The following LRP1B variants were observed in gnomAD, a reference collection of about 807,000 sequenced individuals.
LRP1B encodes LDL receptor related protein 1B.
LRP1B carries 217 observed loss-of-function variants against 556.6 expected under a neutral mutation model. The observed-to-expected ratio is 0.39, with a 90% CI of 0.35 to 0.44. The LOEUF is 0.44. LRP1B is among the 20% of genes least tolerant of loss of function. The pLI is 1.00. For missense variants in LRP1B, 5,053 were observed against 5,620.8 expected, an observed-to-expected ratio of 0.90 and a Z score of 3.23; for synonymous variants, 2,047 against 1,865.8, an observed-to-expected ratio of 1.10 and a Z score of -2.50.
At chr2:141,108,341 T>C (rs768706600) in intron 7 of LRP1B, among the ~76,000 whole-genome samples, 4 of 112,868 alleles carry the variant, frequency 3.5e-5, no homozygotes, top group South Asian at 2.7e-4. Flanking sequence ...TTTCTTTTTT[T>C]TTTTTTTTTT....
chr2:140,875,607 G>A (rs905666927), intron 25 of LRP1B, among the ~76,000 whole-genome samples: 2 of 152,090 alleles, frequency 1.3e-5, no homozygotes. Flanking sequence ...GTTTTAATAT[G>A]TGTTTTGGTA....
chr2:141,168,793 T>C (rs1162301141), intron 7 of LRP1B, among the ~76,000 whole-genome samples: 3 of 152,042 alleles, frequency 2.0e-5, no homozygotes, highest in Non-Finnish European at 4.4e-5. Context: ...TCTTCCCCAC[T>C]TCAGTCTCCT....
At chr2:140,574,889 A>G (rs1385481976) in intron 43 of LRP1B, among the ~76,000 whole-genome samples, 1 of 152,230 alleles carries the variant, frequency 6.6e-6, no homozygotes, top group Non-Finnish European at 1.5e-5. Flanking sequence ...TAAGTGTAAT[A>G]TGTGATAAAA....
intron 87 of LRP1B, among the ~76,000 whole-genome samples, chr2:140,243,645 C>A (rs1321448566): frequency 6.6e-6 from 1 of 151,126 alleles, no homozygotes; most frequent in African/African-American, 2.4e-5. Context: ...ATGTTCCCAA[C>A]TTAGTAAAGG....
rs1443597814 is a variant in LRP1B at position 140,404,164 on chromosome 2, ACTT to A, written c.10415-18158_10415-18156del. On this transcript the variant is annotated intron_variant, in intron 66 of 90. Coordinates refer to ENST00000389484, the MANE Select transcript of LRP1B (RefSeq NM_018557.3). ...AAAGCTGGATCTGTACCAAAATAGA[ACTT>A]CTTTTTTTTTTTTTTTTTTTTTTTT... Among the ~76,000 whole-genome samples the A allele has an allele frequency of 1.1e-4, 17 of 147,986 alleles. No individual in the cohort carries two copies. In the East Asian group the frequency reaches 2.2e-3, roughly 19 times the overall value.
chr2:141,724,472 C>T (rs191933218), intron 2 of LRP1B, among the ~76,000 whole-genome samples: 210 of 151,822 alleles, frequency 1.4e-3, no homozygotes, highest in African/African-American at 4.8e-3. Flanking sequence ...CTTCGTAATG[C>T]TATATTTCTT....
intron 5 of LRP1B, among the ~76,000 whole-genome samples, chr2:141,241,162 T>TCCTTG (rs1237034713): frequency 4.6e-5 from 7 of 152,064 alleles, no homozygotes; most frequent in Non-Finnish European, 5.9e-5. Context: ...CCATCAGAAA[T>TCCTTG]CCTTGCCCTG....
intron 79 of LRP1B, among the ~76,000 whole-genome samples, chr2:140,326,648 G>GAGGTCAGTGAGCTGA (rs1207051331): frequency 2.0e-5 from 3 of 151,916 alleles, no homozygotes; most frequent in African/African-American, 7.3e-5. Context: ...CTGGGAGGCA[G>GAGGTCAGTGAGCTGA]AGGTCAGTGA....
At chr2:140,942,405 G>A (rs1039407793) in intron 20 of LRP1B, among the ~76,000 whole-genome samples, 1 of 152,054 alleles carries the variant, frequency 6.6e-6, no homozygotes, top group African/African-American at 2.4e-5. Flanking sequence ...AATCTTACAA[G>A]AGAGGTCAAC....
At chr2:140,386,466 C>T (rs1056705032) in intron 66 of LRP1B, among the ~76,000 whole-genome samples, 18 of 152,168 alleles carry the variant, frequency 1.2e-4, no homozygotes, top group African/African-American at 3.9e-4. Flanking sequence ...AGCTCTTATT[C>T]GTAACTGATC....
intron 59 of LRP1B, among the ~76,000 whole-genome samples, chr2:140,479,365 AAGAAG>A (rs1302259629): frequency 6.6e-6 from 1 of 152,190 alleles, no homozygotes; most frequent in African/African-American, 2.4e-5. Context: ...AAAATGTTGA[AAGAAG>A]AGATCTAAAT....
At chr2:141,260,707 GC>G (rs1431373896) in intron 3 of LRP1B, among the ~76,000 whole-genome samples, 1 of 152,186 alleles carries the variant, frequency 6.6e-6, no homozygotes, top group African/African-American at 2.4e-5. Flanking sequence ...ATTGGATTTA[GC>G]AAGACAGTGA....
intron 15 of LRP1B, among the ~76,000 whole-genome samples, chr2:140,997,021 G>A (rs1192528750): frequency 6.6e-6 from 1 of 151,954 alleles, no homozygotes; most frequent in Non-Finnish European, 1.5e-5. Flanking sequence ...TTTGAACTAT[G>A]TATTTGAAAA....
At chr2:141,607,834 G>C (rs776093292) in intron 2 of LRP1B, among the ~76,000 whole-genome samples, 1 of 152,156 alleles carries the variant, frequency 6.6e-6, no homozygotes, top group Admixed American at 6.5e-5. Context: ...GAGGAGGGGG[G>C]ATCGCTTGAG....
intron 6 of LRP1B, among the ~76,000 whole-genome samples, chr2:141,223,885 A>C (rs1368801690): frequency 6.6e-6 from 1 of 152,226 alleles, no homozygotes; most frequent in Non-Finnish European, 1.5e-5. Flanking sequence ...AATTAACTCA[A>C]GATGGATTAA....
chr2:140,812,882 A>T (rs1389100445), intron 32 of LRP1B, among the ~76,000 whole-genome samples: 1 of 152,058 alleles, frequency 6.6e-6, no homozygotes, highest in Non-Finnish European at 1.5e-5. Flanking sequence ...CCCCTCACCT[A>T]CCACAAACTT....
intron 84 of LRP1B, among the ~76,000 whole-genome samples, chr2:140,294,356 CATTT>C (rs1045422122): frequency 1.3e-5 from 2 of 152,142 alleles, no homozygotes; most frequent in African/African-American, 4.8e-5. Flanking sequence ...TTATTCAAAT[CATTT>C]ATTTTTATTT....
chr2:140,510,257 C>T (rs1366369967), intron 51 of LRP1B, among the ~76,000 whole-genome samples: 1 of 152,114 alleles, frequency 6.6e-6, no homozygotes, highest in Non-Finnish European at 1.5e-5. Flanking sequence ...TCTTTCCTAG[C>T]TATAATTGTT....
chr2:140,539,087 T>G (rs1209544499), intron 45 of LRP1B, among the ~76,000 whole-genome samples: 5 of 152,168 alleles, frequency 3.3e-5, no homozygotes, highest in Admixed American at 2.0e-4. Flanking sequence ...TGTATCTATT[T>G]CTTTTATGGA....
Sources: allele counts gnomAD v4.1 joint callset (sites outside exome capture counted in the v4.1 genomes callset), GRCh38; gene constraint gnomAD v4.1.1; transcripts MANE v1.5; gene names NCBI Gene and HGNC (gene_info 2026-07-23, HGNC 2026-07-21).